GABRB1: variants seen among roughly 807,000 people sequenced by gnomAD.
GABRB1 encodes the protein gamma-aminobutyric acid type A receptor subunit beta1, also known as gamma-aminobutyric acid receptor subunit beta-1.
In GABRB1, 17 loss-of-function variants were observed where a neutral mutation model predicts 51.6. That is an observed-to-expected ratio of 0.33 (90% confidence interval 0.23 to 0.49). GABRB1 has a LOEUF of 0.49. GABRB1 is among the 20% of genes least tolerant of loss of function. The pLI, the probability that GABRB1 is intolerant of heterozygous loss-of-function variation, is 0.99. For missense variants in GABRB1, 410 were observed against 600.6 expected, an observed-to-expected ratio of 0.68 and a Z score of 3.32; for synonymous variants, 247 against 218.9, an observed-to-expected ratio of 1.13 and a Z score of -1.14.
At chr4:47,188,792 T>C (rs973838777) in intron 4 of GABRB1, among the ~76,000 whole-genome samples, 16 of 152,082 alleles carry the variant, frequency 1.1e-4, no homozygotes, top group African/African-American at 3.4e-4. Flanking sequence ...CAAACTTCCT[T>C]TGTGCTGAAG....
intron 3 of GABRB1, among the ~76,000 whole-genome samples, chr4:47,151,940 A>C (rs930710581): frequency 5.3e-5 from 8 of 152,064 alleles, no homozygotes; most frequent in Non-Finnish European, 1.0e-4. Context: ...AACAATCAAT[A>C]AAATATCACT....
chr4:47,268,848 C>T (rs1024538437), intron 4 of GABRB1, among the ~76,000 whole-genome samples: 2 of 152,120 alleles, frequency 1.3e-5, no homozygotes, highest in African/African-American at 4.8e-5. Context: ...GGAGGATACA[C>T]TTTGCACTGT....
At chr4:47,299,638 G>T (rs1724164471) in intron 4 of GABRB1, among the ~76,000 whole-genome samples, 1 of 152,102 alleles carries the variant, frequency 6.6e-6, no homozygotes, top group Non-Finnish European at 1.5e-5. Context: ...TTACACTGTT[G>T]GTGGGACTGT....
In GABRB1 at chr4:47,289,739, A is replaced by T. The variant is rs148501423; in HGVS notation, c.462-30388A>T. Among the ~76,000 whole-genome samples the T allele has an allele frequency of 5.4e-3, 818 of 152,346 alleles. 6 individuals carry two copies. The highest frequency in any genetic ancestry group is 0.019 in the African/African-American group (790 of 41,572). On this transcript the variant is annotated intron_variant, in intron 4 of 8. Coordinates refer to ENST00000295454, the MANE Select transcript of GABRB1 (RefSeq NM_000812.4). ...TACCTCCCTGTATGTATAGCCTGGG[A>T]TGATAAATTAAATCATAACAAGATA...
chr4:47,076,136 T>C (rs1727539375), intron 3 of GABRB1, among the ~76,000 whole-genome samples: 1 of 152,214 alleles, frequency 6.6e-6, no homozygotes, highest in Non-Finnish European at 1.5e-5. Flanking sequence ...CAGGTGAGAC[T>C]GACTGATTTC....
At chr4:47,407,231 T>C (rs966538756) in intron 8 of GABRB1, among the ~76,000 whole-genome samples, 1 of 152,212 alleles carries the variant, frequency 6.6e-6, no homozygotes, top group Non-Finnish European at 1.5e-5. Flanking sequence ...AGAACTAAAG[T>C]GAATATACAT....
At chr4:47,246,299 T>TATATATATATACACAC (rs1329276891) in intron 4 of GABRB1, among the ~76,000 whole-genome samples, 1 of 84,170 alleles carries the variant, frequency 1.2e-5, no homozygotes, top group African/African-American at 4.7e-5. Flanking sequence ...TATATATATA[T>TATATATATATACACAC]ACACACACAC....
At chr4:47,019,215 C>T (rs572294130) in intron 1 of GABRB1, among the ~76,000 whole-genome samples, 81 of 152,142 alleles carry the variant, frequency 5.3e-4, no homozygotes, top group Non-Finnish European at 9.1e-4. Context: ...GATGCTCGGC[C>T]CTTTTCCTAG....
At chr4:47,386,914 T>C (rs1231810868) in intron 5 of GABRB1, among the ~76,000 whole-genome samples, 1 of 152,044 alleles carries the variant, frequency 6.6e-6, no homozygotes, top group East Asian at 1.9e-4. Flanking sequence ...TCAAGAAAAA[T>C]ATGAGAAACA....
At chr4:47,089,548 CTATT>C (rs1215356766) in intron 3 of GABRB1, among the ~76,000 whole-genome samples, 1 of 152,100 alleles carries the variant, frequency 6.6e-6, no homozygotes, top group Non-Finnish European at 1.5e-5. Context: ...ATTTTTCTAT[CTATT>C]CATGTTTTAA....
chr4:47,380,601 T>C (rs1180130219), intron 5 of GABRB1, among the ~76,000 whole-genome samples: 6 of 152,232 alleles, frequency 3.9e-5, no homozygotes, highest in Admixed American at 3.9e-4. Flanking sequence ...ATCATCCGTC[T>C]ATTCAACTGA....
chr4:47,274,093 CTCT>C (rs930979235), intron 4 of GABRB1, among the ~76,000 whole-genome samples: 45 of 152,096 alleles, frequency 3.0e-4, no homozygotes, highest in African/African-American at 1.0e-3. Context: ...CTATTTGGCC[CTCT>C]TCTTCATTTT....
chr4:47,240,481 C>T (rs1721480115), intron 4 of GABRB1, among the ~76,000 whole-genome samples: 1 of 152,028 alleles, frequency 6.6e-6, no homozygotes, highest in Non-Finnish European at 1.5e-5. Flanking sequence ...GATCCAATGC[C>T]AGAAAAGGGG....
At position 47,265,782 on chromosome 4, in the gene GABRB1, G is replaced by A. The variant is rs191201982; in HGVS notation, c.462-54345G>A. Among the ~76,000 whole-genome samples the A allele has an allele frequency of 8.3e-3, 1,256 of 151,768 alleles. 8 individuals carry two copies. Among genetic ancestry groups the A allele is most frequent in the African/African-American group, 0.029 (1,188 of 41,444 alleles). ...CTCATGTCCTTTGCTCACTGCCTACGGGGGTCATTTGTTTTTTGTTGTTGT... is the reference window on the plus strand; with the variant it reads ...CTCATGTCCTTTGCTCACTGCCTACAGGGGTCATTTGTTTTTTGTTGTTGT... On this transcript the variant is annotated intron_variant, in intron 4 of 8. Coordinates refer to ENST00000295454, the MANE Select transcript of GABRB1 (RefSeq NM_000812.4).
chr4:47,355,345 G>A (rs1280214320), intron 5 of GABRB1, among the ~76,000 whole-genome samples: 1 of 151,886 alleles, frequency 6.6e-6, no homozygotes, highest in Non-Finnish European at 1.5e-5. Context: ...TAAGTTCTAG[G>A]GTACATGTGC....
intron 5 of GABRB1, among the ~76,000 whole-genome samples, chr4:47,354,535 TC>T (rs2110002389): frequency 6.6e-6 from 1 of 152,308 alleles, no homozygotes; most frequent in South Asian, 2.1e-4. Context: ...CTCCAGGCCT[TC>T]CTGTACCATC....
At chr4:47,057,522 T>C (rs1462209299) in intron 3 of GABRB1, among the ~76,000 whole-genome samples, 1 of 152,244 alleles carries the variant, frequency 6.6e-6, no homozygotes, top group South Asian at 2.1e-4. Flanking sequence ...GATGAGTTCC[T>C]TTACACAGGA....
At chr4:47,010,917 T>C (rs1378299626) in intron 1 of GABRB1, among the ~76,000 whole-genome samples, 1 of 152,222 alleles carries the variant, frequency 6.6e-6, no homozygotes, top group Non-Finnish European at 1.5e-5. Flanking sequence ...GTGTTAGTTC[T>C]ATTAATAACT....
chr4:47,393,452 T>C lies in GABRB1; in HGVS notation c.545-9866T>C, dbSNP rs78141914. Among the ~76,000 whole-genome samples the C allele has an allele frequency of 9.5e-4, 144 of 151,886 alleles. No homozygotes were observed. The East Asian group carries it at 0.02, about 21-fold the overall frequency. On this transcript the variant is annotated intron_variant, in intron 5 of 8. Transcript: ENST00000295454. The stretch of plus-strand genomic sequence containing the variant: ...CAGAAAGGACTGTGACCAGTGGCCA[T>C]AGGAGTCTACCTACAGCTCTCCCTA...
Sources: gnomAD v4.1 joint callset for allele counts (sites outside exome capture counted in the v4.1 genomes callset) on GRCh38, gnomAD v4.1.1 for gene constraint, MANE v1.5 for transcripts, NCBI Gene and HGNC (gene_info 2026-07-23, HGNC 2026-07-21) for gene names.